The following SLCO3A1 variants were observed in gnomAD, a reference collection of about 807,000 sequenced individuals.
SLCO3A1 encodes the protein PGE1 transporter.
A neutral mutation model predicts 63.1 loss-of-function variants in SLCO3A1; 27 were observed. That is an observed-to-expected ratio of 0.43 (90% CI 0.32 to 0.59). SLCO3A1 has a LOEUF of 0.59. Ranked by LOEUF, SLCO3A1 falls within the 20% of genes least tolerant of loss-of-function variation. The pLI, the probability that SLCO3A1 is intolerant of heterozygous loss-of-function variation, is 0.09. For synonymous variants in SLCO3A1, 473 were observed against 409.9 expected (o/e 1.15, Z -1.86); for missense variants, 773 against 945.8 (o/e 0.82, Z 2.40).
intron 7 of SLCO3A1, among the ~76,000 whole-genome samples, chr15:92,134,842 T>G (rs1199090066): frequency 1.3e-5 from 2 of 151,956 alleles, no homozygotes; most frequent in Non-Finnish European, 2.9e-5. Context: ...TCAGTGAACT[T>G]GCAGTATCAG....
chr15:92,089,015 AT>A (rs1461155328), intron 2 of SLCO3A1, among the ~76,000 whole-genome samples: 4 of 141,368 alleles, frequency 2.8e-5, no homozygotes, highest in South Asian at 2.2e-4. Flanking sequence ...TTTATTATTT[AT>A]TTATTTATTT....
rs577889516 is a variant in SLCO3A1, at chr15:92,132,209, C to T, written c.1512+3720C>T. On this transcript the variant is annotated intron_variant, in intron 7 of 9. Coordinates refer to ENST00000318445, the MANE Select transcript of SLCO3A1 (RefSeq NM_013272.4). Reference sequence around the variant, plus strand: ...CACCACTTTATCGTTTCCATCAAGACGTGAAAATTCCCCATAACTCAATTA... The same window carrying T: ...CACCACTTTATCGTTTCCATCAAGATGTGAAAATTCCCCATAACTCAATTA... Among the ~76,000 whole-genome samples the T allele has an allele frequency of 8.2e-5, 12 of 146,086 alleles. 2 individuals are homozygous for T. Among genetic ancestry groups the T allele is most frequent in the African/African-American group, 3.0e-4 (12 of 40,336 alleles).
At chr15:92,136,314 C>T (rs754455720) in intron 7 of SLCO3A1, among the ~76,000 whole-genome samples, 3 of 152,098 alleles carry the variant, frequency 2.0e-5, no homozygotes, top group East Asian at 1.9e-4. Flanking sequence ...TAATAGGGAT[C>T]GATCATCAGG....
rs192020261 is a variant in SLCO3A1, at chr15:92,027,437, T to C, written c.647-67444T>C. Among the ~76,000 whole-genome samples, 19 of 152,314 alleles carry C rather than the reference T, an allele frequency of 1.2e-4. No homozygotes were observed. The East Asian group carries it at 3.7e-3, about 29-fold the overall frequency. On this transcript the variant is annotated intron_variant, in intron 2 of 9. Transcript: ENST00000318445. ...GGTACCGTCATCGTTTTTTTCGATA[T>C]TGTGGATGAGCAAATAGGCTCAGAG...
chr15:91,960,425 AG>A (rs1272890258), intron 2 of SLCO3A1, among the ~76,000 whole-genome samples: 1 of 152,190 alleles, frequency 6.6e-6, no homozygotes, highest in Non-Finnish European at 1.5e-5. Context: ...TTCACTGTGA[AG>A]AATAATTCTG....
intron 1 of SLCO3A1, among the ~76,000 whole-genome samples, chr15:91,904,607 G>A (rs1165412940): frequency 6.6e-6 from 1 of 152,186 alleles, no homozygotes; most frequent in Non-Finnish European, 1.5e-5. Context: ...AGGAGTAGAA[G>A]GACACACAGG....
In SLCO3A1 at chr15:91,854,258, CG is replaced by C; in HGVS notation, c.180+174del. On this transcript the variant is annotated intron_variant, in intron 1 of 9. Transcript: ENST00000318445. This position sits in a 1 kb window ranked among gnomAD's most constrained non-coding sequence, Gnocchi z 6.4. ...GGCGGCCGCCGGGGGAGCTGCCGGC[CG>C]GGGCTGCCAGCGAGCGGGTAGCGGG... The C allele has an allele frequency of 9.2e-7, 1 of 1,084,162 alleles. No individual in the cohort carries two copies. The highest frequency in any genetic ancestry group is 1.1e-6 in the Non-Finnish European group (1 of 879,030). 67.2% of individuals were successfully genotyped at this position (1,084,162 alleles called of 1,614,324 possible).
chr15:92,097,540 C>A (rs570163128), intron 3 of SLCO3A1, among the ~76,000 whole-genome samples: 1 of 152,300 alleles, frequency 6.6e-6, no homozygotes, highest in African/African-American at 2.4e-5. Flanking sequence ...GCGGTGTGAT[C>A]CATGGTTCCA....
chr15:91,973,704 T>C (rs921396490), intron 2 of SLCO3A1, among the ~76,000 whole-genome samples: 4 of 152,120 alleles, frequency 2.6e-5, no homozygotes, highest in African/African-American at 9.7e-5. Context: ...TACTGGCATC[T>C]AGTGGGGAGA....
At chr15:92,170,500 G>A (rs1402096970), downstream of SLCO3A1, among the ~76,000 whole-genome samples, 2 of 152,194 alleles carry the variant, frequency 1.3e-5, no homozygotes, top group East Asian at 3.8e-4. Flanking sequence ...CACATAGCTA[G>A]TTTATAAAGC....
intron 1 of SLCO3A1, among the ~76,000 whole-genome samples, chr15:91,887,752 G>T (rs1897762664): frequency 6.6e-6 from 1 of 152,348 alleles, no homozygotes; most frequent in Middle Eastern, 3.4e-3. Context: ...CAGGCTGGAT[G>T]CAACTACCTA....
At chr15:92,018,525 G>GCAGGGATTGGAAGCTCTGCATTTCAGAGC (rs1335220055) in intron 2 of SLCO3A1, among the ~76,000 whole-genome samples, 2 of 152,182 alleles carry the variant, frequency 1.3e-5, no homozygotes, top group African/African-American at 4.8e-5. Context: ...CTTCTCTTCC[G>GCAGGGATTGGAAGCTCTGCATTTCAGAGC]CAGGGATTGG....
At chr15:92,158,763 A>G (rs369365847) in intron 9 of SLCO3A1, among the ~76,000 whole-genome samples, 40 of 152,348 alleles carry the variant, frequency 2.6e-4, no homozygotes, top group African/African-American at 9.1e-4. Flanking sequence ...CTAACAAAAA[A>G]GATGCAGTCC....
chr15:92,074,435 A>G (rs1418560391), intron 2 of SLCO3A1, among the ~76,000 whole-genome samples: 1 of 152,056 alleles, frequency 6.6e-6, no homozygotes, highest in Non-Finnish European at 1.5e-5. Flanking sequence ...TAAAGCTCAT[A>G]TTGTTTGTTC....
chr15:92,070,559 C>T (rs1339302887), intron 2 of SLCO3A1, among the ~76,000 whole-genome samples: 1 of 152,008 alleles, frequency 6.6e-6, no homozygotes, highest in African/African-American at 2.4e-5. Flanking sequence ...AGGAGAATTG[C>T]TTGAACCCCA....
At position 91,872,334 on chromosome 15, in the gene SLCO3A1, C is replaced by T. The variant is rs923556645; in HGVS notation, c.180+18246C>T. 3.3e-5 allele frequency among the ~76,000 whole-genome samples: 5 copies of T among 152,116 alleles called. No homozygotes were observed. Among genetic ancestry groups the T allele is most frequent in the African/African-American group, 7.2e-5 (3 of 41,400 alleles). ...GATCACGAGGTCAGGAGTTCGAGAC[C>T]AGCCTGGCCAACGTGGTGAAACCCC... is the stretch of plus-strand genomic sequence containing the variant. On this transcript the variant is annotated intron_variant, in intron 1 of 9. Transcript: ENST00000318445. The surrounding 1 kb of genome is among the most constrained non-coding windows in gnomAD (Gnocchi z 4.1).
At chr15:91,959,297 G>A (rs55653850) in intron 2 of SLCO3A1, among the ~76,000 whole-genome samples, 9,076 of 152,100 alleles carry the variant, frequency 0.06, 401 homozygotes, top group Non-Finnish European at 0.091. Flanking sequence ...GAAGGCGGGT[G>A]AGGGATAAAA....
chr15:91,910,889 C>T (rs1022659078), intron 1 of SLCO3A1, among the ~76,000 whole-genome samples: 7 of 152,212 alleles, frequency 4.6e-5, no homozygotes, highest in Admixed American at 6.5e-5. Context: ...AGGCCAAGGC[C>T]CCGCCACCCA....
intron 4 of SLCO3A1, among the ~76,000 whole-genome samples, chr15:92,119,781 G>A (rs1380594006): frequency 6.6e-6 from 1 of 152,116 alleles, no homozygotes; most frequent in Non-Finnish European, 1.5e-5. Context: ...AGCTGATCTC[G>A]CTGACTGCTA....
Sources: allele counts gnomAD v4.1 joint callset (sites outside exome capture counted in the v4.1 genomes callset), GRCh38; gene constraint gnomAD v4.1.1; non-coding constraint Gnocchi (gnomAD v3.1); transcripts MANE v1.5; gene names NCBI Gene and HGNC (gene_info 2026-07-23, HGNC 2026-07-21).